KCTD1: variants seen among roughly 807,000 people sequenced by gnomAD.
KCTD1 encodes the protein potassium channel tetramerization domain containing 1.
KCTD1 carries 24 observed loss-of-function variants against 66.0 expected under a neutral mutation model. That is an observed-to-expected ratio of 0.36 (90% CI 0.26 to 0.51). The LOEUF is 0.51. KCTD1 is among the 20% of genes least tolerant of loss of function. KCTD1 has a pLI of 0.95. For missense variants in KCTD1, 943 were observed against 1,205.2 expected (o/e 0.78, Z 3.22); for synonymous variants, 511 against 517.2 (o/e 0.99, Z 0.16).
intron 1 of KCTD1, among the ~76,000 whole-genome samples, chr18:26,574,717 G>C (rs528566512): frequency 6.6e-6 from 1 of 152,082 alleles, no homozygotes; most frequent in African/African-American, 2.4e-5. Flanking sequence ...TGTGAGTTGC[G>C]GTGAAGATCA....
At chr18:26,490,791 C>T (rs1208079898) in intron 2 of KCTD1, among the ~76,000 whole-genome samples, 1 of 152,006 alleles carries the variant, frequency 6.6e-6, no homozygotes, top group Non-Finnish European at 1.5e-5. Context: ...TTCTGTGTCG[C>T]CCAGGGTCTG....
chr18:26,478,767 A>T (rs7235421), intron 2 of KCTD1, among the ~76,000 whole-genome samples: 27,616 of 151,930 alleles, frequency 0.18, 4,578 homozygotes, highest in African/African-American at 0.42. Context: ...CATTTTTTTT[A>T]AAATTAAGTC....
At chr18:26,623,153 C>A (rs1356572307) in intron 1 of KCTD1, among the ~76,000 whole-genome samples, 1 of 152,188 alleles carries the variant, frequency 6.6e-6, no homozygotes. Context: ...GACTATCCCT[C>A]CTACCCACTA....
At chr18:26,459,477 A>C (rs1980284829) in intron 4 of KCTD1, 143 bp downstream of exon 4, 3 of 713,960 alleles carry the variant, frequency 4.2e-6, no homozygotes, top group Non-Finnish European at 6.9e-6. Flanking sequence ...ACTGCTATAG[A>C]GGGTGATAAT....
upstream of KCTD1, among the ~76,000 whole-genome samples, chr18:26,629,776 G>T (rs9807536): frequency 0.011 from 1,681 of 150,660 alleles, 35 homozygotes; most frequent in African/African-American, 0.038. Flanking sequence ...GGAGTGCAGT[G>T]GTGTGATCTC....
chr18:26,459,515 G>T, intron 4 of KCTD1, 105 bp downstream of exon 4: 2 of 1,085,108 alleles, frequency 1.8e-6, no homozygotes, highest in Non-Finnish European at 2.7e-6. Context: ...GTGTCACTGA[G>T]TGAGTTTCTA....
intron 1 of KCTD1, among the ~76,000 whole-genome samples, chr18:26,609,027 G>A (rs1987077510): frequency 6.6e-6 from 1 of 152,164 alleles, no homozygotes; most frequent in South Asian, 2.1e-4. Context: ...GAGATTAGAG[G>A]CACTTGCCCA....
At chr18:26,642,011 G>A (rs1415819155), upstream of KCTD1, among the ~76,000 whole-genome samples, 1 of 152,060 alleles carries the variant, frequency 6.6e-6, no homozygotes, top group East Asian at 1.9e-4. Flanking sequence ...CTACATGCCG[G>A]GCACTATGCA....
intron 3 of KCTD1, among the ~76,000 whole-genome samples, chr18:26,463,680 G>A (rs1208936946): frequency 6.6e-6 from 1 of 152,060 alleles, no homozygotes; most frequent in Non-Finnish European, 1.5e-5. Context: ...GGGATTACAG[G>A]TGCCCACCAC....
chr18:26,512,838 G>A (rs866148196), intron 1 of KCTD1, among the ~76,000 whole-genome samples: 22 of 152,084 alleles, frequency 1.4e-4, no homozygotes, highest in Middle Eastern at 3.4e-3. Context: ...AAAATTAGCC[G>A]GGTGTGGTGG....
At chr18:26,519,766 C>A (rs1983824963) in intron 1 of KCTD1, among the ~76,000 whole-genome samples, 1 of 152,182 alleles carries the variant, frequency 6.6e-6, no homozygotes, top group East Asian at 1.9e-4. Flanking sequence ...TTCAGTTGGA[C>A]AAGAATAAAG....
intron 1 of KCTD1, chr18:26,543,461 T>A (rs1985068661): frequency 6.6e-6 from 1 of 152,286 alleles, no homozygotes; most frequent in African/African-American, 2.4e-5. Context: ...TGCCTTTCAC[T>A]ATTAAGTAGA....
intron 1 of KCTD1, among the ~76,000 whole-genome samples, chr18:26,656,448 A>G (rs530173355): frequency 6.6e-6 from 1 of 152,078 alleles, no homozygotes; most frequent in South Asian, 2.1e-4. Flanking sequence ...TTTGCATCCA[A>G]AAGGGGGAGG....
chr18:26,551,406 G>A (rs946520778), upstream of KCTD1, among the ~76,000 whole-genome samples: 6 of 152,078 alleles, frequency 3.9e-5, no homozygotes, highest in Admixed American at 3.9e-4. Flanking sequence ...GCAAACAACG[G>A]GCAGGACCCG....
At chr18:26,600,075 G>T (rs1303431931) in intron 1 of KCTD1, 1 of 1,611,088 alleles carries the variant, frequency 6.2e-7, no homozygotes, top group Non-Finnish European at 8.5e-7. Flanking sequence ...CAGAAGATTT[G>T]AAGAAGCCAG....
chr18:26,657,333 TAAC>T lies in KCTD1; in HGVS notation c.9+24_9+26del, dbSNP rs546761820. 1,127 of 985,278 alleles carry T rather than the reference TAAC, an allele frequency of 1.1e-3. 4 individuals carry two copies. The highest frequency in any genetic ancestry group is 8.8e-4 in the Non-Finnish European group (727 of 829,914). The allele number at this position is 985,278 out of a possible 1,614,324, so 61.0% of individuals were successfully genotyped here. The stretch of plus-strand genomic sequence containing the variant: ...CAGCCATACCCTCCTTAGCAAATAA[TAAC>T]AAACCCAAACCGTCAGATCTTACCT... On this transcript the variant is annotated intron_variant, in intron 1 of 4. Transcript: ENST00000580191.
intron 1 of KCTD1, among the ~76,000 whole-genome samples, chr18:26,594,622 A>T (rs1986724217): frequency 6.6e-6 from 1 of 152,194 alleles, no homozygotes; most frequent in African/African-American, 2.4e-5. Context: ...CTGGATCTGC[A>T]GGCCCTGGTG....
intron 1 of KCTD1, among the ~76,000 whole-genome samples, chr18:26,595,690 T>C (rs1986749953): frequency 6.6e-6 from 1 of 152,170 alleles, no homozygotes; most frequent in South Asian, 2.1e-4. Flanking sequence ...TCCATTTACT[T>C]TTAGGTAGAC....
At chr18:26,619,902 A>C (rs1264951267) in intron 1 of KCTD1, among the ~76,000 whole-genome samples, 1 of 152,108 alleles carries the variant, frequency 6.6e-6, no homozygotes, top group Admixed American at 6.6e-5. Context: ...CATTTAAATC[A>C]CTTTCAACTG....
Sources: gnomAD v4.1 joint callset for allele counts (sites outside exome capture counted in the v4.1 genomes callset) on GRCh38, gnomAD v4.1.1 for gene constraint, MANE v1.5 for transcripts, NCBI Gene and HGNC (gene_info 2026-07-23, HGNC 2026-07-21) for gene names.